ABTB3: variants seen among roughly 807,000 people sequenced by gnomAD.
The protein encoded by ABTB3 is ankyrin repeat and BTB domain containing 3.
the ABTB3 span, among the ~76,000 whole-genome samples, chr12:107,618,681 G>A: frequency 6.6e-6 from 1 of 152,178 alleles, no homozygotes; most frequent in African/African-American, 2.4e-5. Flanking sequence ...AATCACCTGG[G>A]GAGCTTGTCT....
chr12:107,587,054 T>C, the ABTB3 span, among the ~76,000 whole-genome samples: 5 of 152,188 alleles, frequency 3.3e-5, no homozygotes, highest in East Asian at 9.7e-4. Flanking sequence ...TGGGAAACTG[T>C]TGGAAGGAAC....
the ABTB3 span, among the ~76,000 whole-genome samples, chr12:107,460,012 G>A: frequency 2.0e-5 from 3 of 152,250 alleles, no homozygotes; most frequent in Non-Finnish European, 4.4e-5. Flanking sequence ...AAAACAGGCT[G>A]GCTCCCTGTA....
At chr12:107,427,103 G>A in the ABTB3 span, among the ~76,000 whole-genome samples, 16 of 152,278 alleles carry the variant, frequency 1.1e-4, no homozygotes, top group Middle Eastern at 0.01. Flanking sequence ...GAGGCTTCTG[G>A]GGCTAAAGTC....
the ABTB3 span, chr12:107,320,152 T>G: frequency 7.4e-7 from 1 of 1,344,698 alleles, no homozygotes; most frequent in Non-Finnish European, 9.6e-7. Flanking sequence ...CGCGTCCCCC[T>G]CCCGCGTCTT....
chr12:107,451,097 A>G, the ABTB3 span, among the ~76,000 whole-genome samples: 1 of 152,246 alleles, frequency 6.6e-6, no homozygotes, highest in South Asian at 2.1e-4. Flanking sequence ...CCCCTGTGAT[A>G]TTATGCAACT....
At chr12:107,388,119 C>T in the ABTB3 span, among the ~76,000 whole-genome samples, 2 of 151,820 alleles carry the variant, frequency 1.3e-5, no homozygotes, top group Non-Finnish European at 2.9e-5. Context: ...ATTATAGGCT[C>T]CCGCCACCAC....
chr12:107,570,308 G>A, the ABTB3 span, among the ~76,000 whole-genome samples: 4,293 of 152,190 alleles, frequency 0.028, 98 homozygotes, highest in Non-Finnish European at 0.041. Context: ...TCTGCCTCCC[G>A]GGTTCAAGCG....
At chr12:107,645,025 T>C in the ABTB3 span, among the ~76,000 whole-genome samples, 1 of 146,664 alleles carries the variant, frequency 6.8e-6, no homozygotes, top group African/African-American at 2.5e-5. Flanking sequence ...CAGGCTGGAG[T>C]GCAATGGCGC....
the ABTB3 span, among the ~76,000 whole-genome samples, chr12:107,396,465 A>G: frequency 6.6e-6 from 1 of 152,250 alleles, no homozygotes; most frequent in East Asian, 1.9e-4. Context: ...GAGGCAATGC[A>G]TTAAAAAGAT....
the ABTB3 span, chr12:107,617,137 G>A: frequency 1.9e-5 from 30 of 1,614,014 alleles, no homozygotes; most frequent in East Asian, 6.7e-5. Context: ...GGAGCATGGC[G>A]AGGAGAACTA....
At chr12:107,492,361 T>G in the ABTB3 span, among the ~76,000 whole-genome samples, 2 of 152,176 alleles carry the variant, frequency 1.3e-5, no homozygotes. Context: ...CACACCCCTC[T>G]GTGCTAGGCA....
At chr12:107,623,731 C>T in the ABTB3 span, among the ~76,000 whole-genome samples, 3 of 152,280 alleles carry the variant, frequency 2.0e-5, no homozygotes, top group East Asian at 5.8e-4. Context: ...GGAGTGCCCA[C>T]TTGGTTCCAG....
the ABTB3 span, among the ~76,000 whole-genome samples, chr12:107,431,846 G>A: frequency 6.6e-6 from 1 of 152,184 alleles, no homozygotes; most frequent in Non-Finnish European, 1.5e-5. Context: ...TGGCTAACTC[G>A]GAGATTTCTT....
the ABTB3 span, among the ~76,000 whole-genome samples, chr12:107,460,099 A>G: frequency 2.0e-5 from 3 of 152,256 alleles, no homozygotes; most frequent in Non-Finnish European, 4.4e-5. Context: ...CAAACCCTTA[A>G]CAGGGTACCA....
At chr12:107,653,472 G>A in the ABTB3 span, among the ~76,000 whole-genome samples, 9 of 150,644 alleles carry the variant, frequency 6.0e-5, no homozygotes, top group Non-Finnish European at 1.2e-4. Context: ...AGTGGAGATC[G>A]CGCCACTGCA....
the ABTB3 span, chr12:107,649,393 T>A: frequency 1.1e-6 from 1 of 946,360 alleles, no homozygotes. Context: ...GGTTTTCATT[T>A]GGATGAAGAC....
the ABTB3 span, among the ~76,000 whole-genome samples, chr12:107,417,464 C>T: frequency 1.3e-5 from 2 of 152,174 alleles, no homozygotes; most frequent in African/African-American, 4.8e-5. Context: ...TGTAATTCTC[C>T]TGAGTAATCC....
chr12:107,455,963 T>G, the ABTB3 span, among the ~76,000 whole-genome samples: 2 of 152,206 alleles, frequency 1.3e-5, no homozygotes, highest in Non-Finnish European at 2.9e-5. Context: ...TCACATCCAC[T>G]GCACTGTCTT....
the ABTB3 span, among the ~76,000 whole-genome samples, chr12:107,547,681 G>A: frequency 1.2e-4 from 18 of 152,284 alleles, no homozygotes; most frequent in Middle Eastern, 3.4e-3. Flanking sequence ...GTGATCCTCT[G>A]GGAAGCATGT....
Sources: allele counts gnomAD v4.1 joint callset (sites outside exome capture counted in the v4.1 genomes callset), GRCh38; gene constraint gnomAD v4.1.1; transcripts MANE v1.5; gene names NCBI Gene and HGNC (gene_info 2026-07-23, HGNC 2026-07-21).